SPINK5: variants seen among roughly 807,000 people sequenced by gnomAD.
SPINK5 encodes serine peptidase inhibitor Kazal type 5.
A neutral mutation model predicts 151.8 loss-of-function variants in SPINK5; 125 were observed. The ratio of observed to expected loss-of-function variants is 0.82; its 90% CI spans 0.71 to 0.96. The LOEUF is 0.96. Ranked by LOEUF, SPINK5 falls within the 40% of genes least tolerant of loss-of-function variation. The pLI is 0.00. For missense variants in SPINK5, 1,194 were observed against 1,291.9 expected (o/e 0.92, Z 1.16); for synonymous variants, 374 against 395.3 (o/e 0.95, Z 0.64).
intron 1 of SPINK5, among the ~76,000 whole-genome samples, chr5:148,064,364 C>T (rs1406999663): frequency 1.3e-5 from 2 of 152,128 alleles, no homozygotes; most frequent in African/African-American, 2.4e-5. Context: ...ATTCAGAAAA[C>T]TGAATAGATT....
rs149428787 is a variant in SPINK5 at position 148,110,610 on chromosome 5, G to C, written c.1693-1158G>C. ...TAAAAACTCTGTGCTAGTTTTCTAT[G>C]GTTGCGATAACAAATTAGCACACTT... On this transcript the variant is annotated intron_variant, in intron 18 of 32. Coordinates refer to ENST00000256084, the MANE Select transcript of SPINK5 (RefSeq NM_006846.4). Among the ~76,000 whole-genome samples the C allele has an allele frequency of 2.3e-3, 352 of 152,090 alleles. 1 individual carries two copies. Among genetic ancestry groups the C allele is most frequent in the African/African-American group, 8.1e-3 (334 of 41,474 alleles).
chr5:148,070,710 A>G (rs1752715075), intron 3 of SPINK5, among the ~76,000 whole-genome samples: 1 of 152,098 alleles, frequency 6.6e-6, no homozygotes, highest in African/African-American at 2.4e-5. Flanking sequence ...GTAGCACTCT[A>G]TAGTCTTTTG....
chr5:148,091,614 A>G (rs560308450), intron 8 of SPINK5, among the ~76,000 whole-genome samples: 1 of 151,868 alleles, frequency 6.6e-6, no homozygotes, highest in African/African-American at 2.4e-5. Flanking sequence ...TAAATTAAAC[A>G]GGAATAATTT....
chr5:148,112,872 C>A lies in SPINK5; in HGVS notation c.1825C>A (p.Gln609Lys), dbSNP rs1366194827. ...TTGTCCTCCCTTTTCTTATAGCCAGCAAGAAGCAAAAGAAAAAGAAAGAGC... is the reference window on the plus strand; with the variant it reads ...TTGTCCTCCCTTTTCTTATAGCCAGAAAGAAGCAAAAGAAAAAGAAAGAGC... ...TCSMCEAFFQ[Q>K]EAKEKERAEP... The change falls in exon 20 of 33, where the codon CAA (glutamine) becomes AAA (lysine). Residue 609 changes from glutamine (Q) to lysine (K), a missense_variant. Gln to Lys is a moderately conservative substitution (Grantham distance 53). Coordinates refer to ENST00000256084, the MANE Select transcript of SPINK5 (RefSeq NM_006846.4). 2.5e-6 allele frequency: 4 copies of A among 1,613,462 alleles called. No individual in the cohort carries two copies. The Admixed American group carries it at 5.0e-5, about 20-fold the overall frequency.
Position 148,093,659 on chromosome 5 carries a change from CT to C in SPINK5, c.667-684del, listed in dbSNP as rs536809477. Among the ~76,000 whole-genome samples, 747 of 142,916 alleles carry C rather than the reference CT, an allele frequency of 5.2e-3. 2 individuals carry two copies. The highest frequency in any genetic ancestry group is 0.017 in the African/African-American group (653 of 39,310). 93.8% of individuals were successfully genotyped at this position (142,916 alleles called of 152,430 possible). A position where few individuals can be genotyped will look rare whatever the true frequency, so the allele number is the denominator to read the frequency against. On this transcript the variant is annotated intron_variant, in intron 8 of 32. Coordinates refer to ENST00000256084, the MANE Select transcript of SPINK5 (RefSeq NM_006846.4). ...TCTCATCTTCTCACAACTTTTTTTTCTTTTTTTTTTTGTGATTTGGCTGCTG... is the reference window on the plus strand; with the variant it reads ...TCTCATCTTCTCACAACTTTTTTTTCTTTTTTTTTTGTGATTTGGCTGCTG...
At position 148,099,335 on chromosome 5, in the gene SPINK5, TA is replaced by T; in HGVS notation, c.1092+23del. 6.2e-7 allele frequency: 1 copy of T among 1,606,650 alleles called. No individual in the cohort carries two copies. ...TATGCAGTGAGTGGAATCCATCCAA[TA>T]AATCCTATTTGGTGCTATAATTTGA... On this transcript the variant is annotated intron_variant, in intron 12 of 32. Coordinates refer to ENST00000256084, the MANE Select transcript of SPINK5 (RefSeq NM_006846.4).
rs568164552 is a variant in SPINK5, at chr5:148,067,413, G to T, written c.81+2041G>T. ...TGGAAGTTACCCTGCAAGTAAACAG[G>T]TGCTGAAAAGTCATCTACTCAACTC... On this transcript the variant is annotated intron_variant, in intron 2 of 32. Transcript: ENST00000256084. 9.9e-5 allele frequency among the ~76,000 whole-genome samples: 15 copies of T among 152,206 alleles called. No individual in the cohort carries two copies. The South Asian group carries it at 3.1e-3, about 32-fold the overall frequency.
intron 16 of SPINK5, among the ~76,000 whole-genome samples, chr5:148,106,576 A>T (rs1380574357): frequency 6.6e-6 from 1 of 151,978 alleles, no homozygotes; most frequent in Non-Finnish European, 1.5e-5. Flanking sequence ...GGGCTCAAGC[A>T]CTCTTGCAGT....
At chr5:148,115,356 G>T (rs777754431) in intron 21 of SPINK5, among the ~76,000 whole-genome samples, 15 of 152,168 alleles carry the variant, frequency 9.9e-5, no homozygotes, top group Non-Finnish European at 1.8e-4. Flanking sequence ...CATGTAATGG[G>T]AAGCTGCAAA....
intron 2 of SPINK5, among the ~76,000 whole-genome samples, chr5:148,069,002 C>T (rs1164151174): frequency 6.6e-6 from 1 of 151,830 alleles, no homozygotes; most frequent in African/African-American, 2.4e-5. Flanking sequence ...TCAGGGGGCT[C>T]AGGCAGGACA....
Position 148,124,752 on chromosome 5 carries a change from A to T in SPINK5, c.2667-13A>T, listed in dbSNP as rs2052537. 0.76 allele frequency: 1,163,799 copies of T among 1,527,408 alleles called. 444,753 individuals carry two copies. The highest frequency in any genetic ancestry group is 0.9 in the East Asian group (37,961 of 42,092). 94.6% of individuals were successfully genotyped at this position (1,527,408 alleles called of 1,614,324 possible). On this transcript the variant is annotated splice_polypyrimidine_tract_variant and intron_variant, in intron 27 of 32. Transcript: ENST00000256084. ...GAAAAATTACCCTATCTTTTTTTTT[A>T]ATTATTCTGCAGTGATCGAGAAGCT...
intron 20 of SPINK5, 121 bp from the exon 21 acceptor site, chr5:148,114,240 GA>G (rs35860121): frequency 1.7e-6 from 2 of 1,195,460 alleles, no homozygotes; most frequent in Non-Finnish European, 2.3e-6. Flanking sequence ...ATAACTGCCA[GA>G]AAAAAAATTC....
intron 32 of SPINK5, among the ~76,000 whole-genome samples, chr5:148,134,477 A>G (rs776689756): frequency 6.6e-6 from 1 of 152,190 alleles, no homozygotes. Flanking sequence ...TATGGGATAA[A>G]TGTGAGTGCA....
At chr5:148,096,041 A>T in intron 10 of SPINK5, 136 bp downstream of exon 10, 1 of 705,850 alleles carries the variant, frequency 1.4e-6, no homozygotes, top group Non-Finnish European at 2.4e-6. Flanking sequence ...GTTTGCTGGA[A>T]ACTAATTTCT....
At chr5:148,091,272 TA>T (rs1753302771) in intron 8 of SPINK5, 44 bp downstream of exon 8, 5 of 1,521,490 alleles carry the variant, frequency 3.3e-6, no homozygotes, top group Non-Finnish European at 3.6e-6. Flanking sequence ...TGGCCATATT[TA>T]TTAACAAATG....
Position 148,070,339 on chromosome 5 carries a change from T to A in SPINK5, c.98T>A (p.Phe33Tyr), listed in dbSNP as rs757090351. ...KNEDQEMCHE[F>Y]QAFMKNGKLF... Reference sequence around the variant, plus strand: ...TTATCTTAGGAAATGTGCCATGAATTTCAGGCATTTATGAAAAATGGAAAA... The same window carrying A: ...TTATCTTAGGAAATGTGCCATGAATATCAGGCATTTATGAAAAATGGAAAA... The change falls in exon 3 of 33, where the codon TTT (phenylalanine) becomes TAT (tyrosine). Residue 33 changes from phenylalanine to tyrosine, a missense_variant. Transcript: ENST00000256084. The A allele has an allele frequency of 2.5e-6, 4 of 1,612,396 alleles. No homozygotes were observed. Among genetic ancestry groups the A allele is most frequent in the Non-Finnish European group, 3.4e-6 (4 of 1,179,082 alleles).
intron 27 of SPINK5, 28 bp from the exon 28 acceptor site, chr5:148,124,737 C>G (rs893285347): frequency 1.8e-5 from 27 of 1,466,168 alleles, no homozygotes; most frequent in Non-Finnish European, 2.4e-5. Context: ...GAAAAATTAC[C>G]CTATCTTTTT....
At chr5:148,072,637 G>A (rs999819003) in intron 4 of SPINK5, among the ~76,000 whole-genome samples, 8 of 151,956 alleles carry the variant, frequency 5.3e-5, no homozygotes, top group African/African-American at 9.7e-5. Flanking sequence ...TCTGTAAAAT[G>A]AGTTTTAGAC....
chr5:148,098,823 A>AC (rs1253554965), intron 11 of SPINK5, among the ~76,000 whole-genome samples: 1 of 151,756 alleles, frequency 6.6e-6, no homozygotes, highest in African/African-American at 2.4e-5. Flanking sequence ...TGTAGCAAAG[A>AC]CCCCCTCTAC....
Sources: gnomAD v4.1 joint callset for allele counts (sites outside exome capture counted in the v4.1 genomes callset) on GRCh38, gnomAD v4.1.1 for gene constraint, MANE v1.5 for transcripts, NCBI Gene and HGNC (gene_info 2026-07-23, HGNC 2026-07-21) for gene names.